Variants in KPNA4 observed in about 807,000 individuals in gnomAD.
KPNA4 encodes importin subunit alpha-3.
KPNA4 carries 13 observed loss-of-function variants against 71.3 expected under a neutral mutation model. That is an observed-to-expected ratio of 0.18 (90% CI 0.12 to 0.29). The LOEUF (loss-of-function observed/expected upper bound fraction) is 0.29, where lower values mean the gene tolerates loss of function less well. Among genes scored for constraint, KPNA4 ranks in the 10% least tolerant of loss-of-function variants. The pLI, the probability that KPNA4 is intolerant of heterozygous loss-of-function variation, is 1.00. For missense variants in KPNA4, 334 were observed against 603.2 expected (o/e 0.55, Z 4.67); for synonymous variants, 189 against 195.2 (o/e 0.97, Z 0.26).
At chr3:160,550,125 T>C (rs1219635026) in intron 1 of KPNA4, among the ~76,000 whole-genome samples, 1 of 152,210 alleles carries the variant, frequency 6.6e-6, no homozygotes, top group African/African-American at 2.4e-5. Context: ...TTGTGGAATC[T>C]TTAGGGTGAT....
intron 8 of KPNA4, 52 bp from the exon 9 acceptor site, chr3:160,526,159 T>C (rs1721456494): frequency 1.5e-6 from 2 of 1,337,062 alleles, no homozygotes; most frequent in South Asian, 2.0e-5. Flanking sequence ...ACAGTAAGCA[T>C]TTTCAGAAAA....
At chr3:160,531,398 G>T in intron 6 of KPNA4, 64 bp downstream of exon 6, 1 of 775,596 alleles carries the variant, frequency 1.3e-6, no homozygotes, top group Non-Finnish European at 2.0e-6. Flanking sequence ...CTAATTACTA[G>T]AGTCTTGTCT....
intron 11 of KPNA4, among the ~76,000 whole-genome samples, chr3:160,517,316 A>G (rs998305307): frequency 3.9e-5 from 6 of 152,114 alleles, no homozygotes; most frequent in African/African-American, 9.7e-5. Context: ...TCATGACCAA[A>G]TAATATTTCA....
chr3:160,495,027 T>C lies in KPNA4; in HGVS notation c.*7077A>G, dbSNP rs755363332. On this transcript the variant is annotated 3_prime_UTR_variant, in exon 17 of 17. Coordinates refer to ENST00000334256, the MANE Select transcript of KPNA4 (RefSeq NM_002268.5). ...TTGCATCATTATCACAAGCATTTATTGAGTACCCATAGAACTCATGGTACC... is the reference window on the plus strand; with the variant it reads ...TTGCATCATTATCACAAGCATTTATCGAGTACCCATAGAACTCATGGTACC... 1.3e-5 allele frequency: 2 copies of C among 152,230 alleles called. No homozygotes were observed. The highest frequency in any genetic ancestry group is 2.1e-4 in the South Asian group (1 of 4,828). The allele number at this position is 152,230 out of a possible 1,614,324, so 9.4% of individuals were successfully genotyped here.
At chr3:160,555,204 A>C (rs912001367) in intron 1 of KPNA4, among the ~76,000 whole-genome samples, 1 of 152,224 alleles carries the variant, frequency 6.6e-6, no homozygotes, top group Non-Finnish European at 1.5e-5. Flanking sequence ...CTGGTGTCAG[A>C]AGTATTGTGT....
intron 1 of KPNA4, among the ~76,000 whole-genome samples, chr3:160,546,242 G>T (rs922488999): frequency 6.6e-6 from 1 of 152,174 alleles, no homozygotes; most frequent in Non-Finnish European, 1.5e-5. Context: ...GCAAGGCCAG[G>T]CATGGCAGCT....
At chr3:160,529,403 T>C (rs1229494088) in intron 7 of KPNA4, among the ~76,000 whole-genome samples, 1 of 151,994 alleles carries the variant, frequency 6.6e-6, no homozygotes, top group Admixed American at 6.6e-5. Flanking sequence ...GAGTCAGCTA[T>C]ACAAAACCAA....
chr3:160,509,799 C>T lies in KPNA4; in HGVS notation c.1209+1G>A. 1 of 1,583,264 alleles carries T rather than the reference C, an allele frequency of 6.3e-7. No individual in the cohort carries two copies. The highest frequency in any genetic ancestry group is 1.1e-5 in the South Asian group (1 of 90,294). On this transcript the variant is annotated splice_donor_variant, in intron 14 of 16. Coordinates refer to ENST00000334256, the MANE Select transcript of KPNA4 (RefSeq NM_002268.5). LOFTEE classifies it high-confidence loss of function. ...AATAAATTTTAAAAAGCTCAACTTA[C>T]TTGATCTTTCCTTCCACTAATTGTT...
At chr3:160,548,157 T>C (rs2108558354) in intron 1 of KPNA4, among the ~76,000 whole-genome samples, 1 of 152,302 alleles carries the variant, frequency 6.6e-6, no homozygotes, top group Non-Finnish European at 1.5e-5. Context: ...GAATCAGAGT[T>C]CCTGTTGCTC....
chr3:160,508,913 A>C (rs1721040275), intron 14 of KPNA4, among the ~76,000 whole-genome samples: 1 of 152,124 alleles, frequency 6.6e-6, no homozygotes, highest in Admixed American at 6.5e-5. Flanking sequence ...TATTCTATTG[A>C]TTTCACAATA....
intron 13 of KPNA4, among the ~76,000 whole-genome samples, chr3:160,511,351 C>A (rs572137010): frequency 6.6e-6 from 1 of 152,162 alleles, no homozygotes; most frequent in South Asian, 2.1e-4. Context: ...ATGATCTGCC[C>A]GCCTCAGCCT....
intron 1 of KPNA4, among the ~76,000 whole-genome samples, chr3:160,553,745 G>A (rs1051026031): frequency 1.3e-5 from 2 of 152,180 alleles, no homozygotes; most frequent in African/African-American, 4.8e-5. Context: ...CGAAAGAGAT[G>A]CAATCCTAGG....
At chr3:160,527,641 CAACATGGGGGTTAGGGGAAGAAA>C (rs1721483134) in intron 8 of KPNA4, among the ~76,000 whole-genome samples, 1 of 152,030 alleles carries the variant, frequency 6.6e-6, no homozygotes, top group South Asian at 2.1e-4. Context: ...CCCCACTGAT[CAACATGGGGGTTAGGGGAAGAAA>C]AAATGGATCC....
At chr3:160,537,298 T>TA (rs1034520110) in intron 1 of KPNA4, among the ~76,000 whole-genome samples, 3 of 151,766 alleles carry the variant, frequency 2.0e-5, no homozygotes, top group African/African-American at 7.3e-5. Context: ...AAAACACTGT[T>TA]AGATTTACCA....
At chr3:160,540,541 A>G (rs1415016008) in intron 1 of KPNA4, among the ~76,000 whole-genome samples, 1 of 152,184 alleles carries the variant, frequency 6.6e-6, no homozygotes, top group Admixed American at 6.5e-5. Flanking sequence ...TGGTAGAAAG[A>G]CACCCTATGC....
rs1475217766 is a variant in KPNA4 at position 160,495,247 on chromosome 3, T to C, written c.*6857A>G. 1 of 152,148 alleles carries C rather than the reference T, an allele frequency of 6.6e-6. No homozygotes were observed. The highest frequency in any genetic ancestry group is 1.5e-5 in the Non-Finnish European group (1 of 68,032). The allele number at this position is 152,148 out of a possible 1,614,324, so 9.4% of individuals were successfully genotyped here. A position where few individuals can be genotyped will look rare whatever the true frequency, so the allele number is the denominator to read the frequency against. On this transcript the variant is annotated 3_prime_UTR_variant, in exon 17 of 17. Transcript: ENST00000334256. ...TAATGGGGATGGCAAGGATGATAGG[T>C]AGGCCTGGATATACTCCTGACTTCT... is the stretch of plus-strand genomic sequence containing the variant.
chr3:160,514,800 G>T, intron 12 of KPNA4: 1 of 388,354 alleles, frequency 2.6e-6, no homozygotes, highest in Non-Finnish European at 5.1e-6. Context: ...ATCACAGTTG[G>T]TGCTACTTTT....
rs146453640 is a variant in KPNA4, at chr3:160,520,865, A to G, written c.903+914T>C. On this transcript the variant is annotated intron_variant, in intron 11 of 16. Transcript: ENST00000334256. ...AGCCATTAGCAGATTAAAATATACTATTTACCTCAGAAAGGTAGAGGGAGC... is the reference window on the plus strand; with the variant it reads ...AGCCATTAGCAGATTAAAATATACTGTTTACCTCAGAAAGGTAGAGGGAGC... Among the ~76,000 whole-genome samples, 31 of 152,308 alleles carry G rather than the reference A, an allele frequency of 2.0e-4. No homozygotes were observed. In the East Asian group the frequency reaches 5.8e-3, roughly 28 times the overall value.
chr3:160,516,321 G>A (rs1721220116), intron 11 of KPNA4, among the ~76,000 whole-genome samples: 1 of 150,788 alleles, frequency 6.6e-6, no homozygotes, highest in Non-Finnish European at 1.5e-5. Flanking sequence ...TGAGCACTTA[G>A]CATCAGGCAC....
Sources: gnomAD v4.1 joint callset for allele counts (sites outside exome capture counted in the v4.1 genomes callset) on GRCh38, gnomAD v4.1.1 for gene constraint, MANE v1.5 for transcripts, NCBI Gene and HGNC (gene_info 2026-07-23, HGNC 2026-07-21) for gene names.